Variants in GNA14 observed in about 807,000 individuals in gnomAD.
GNA14 encodes guanine nucleotide-binding protein subunit alpha-14.
In GNA14, 50 loss-of-function variants were observed where a neutral mutation model predicts 42.0. That is an observed-to-expected ratio of 1.19 (90% CI 0.95 to 1.51). The LOEUF is 1.51. GNA14 is among the 40% of genes most tolerant of loss of function. The pLI, the probability that GNA14 is intolerant of heterozygous loss-of-function variation, is 0.00. For missense variants in GNA14, 473 were observed against 446.2 expected, an observed-to-expected ratio of 1.06 and a Z score of -0.54; for synonymous variants, 173 against 163.1, an observed-to-expected ratio of 1.06 and a Z score of -0.46.
intron 5 of GNA14, among the ~76,000 whole-genome samples, chr9:77,427,067 C>T (rs1835463540): frequency 6.6e-6 from 1 of 152,134 alleles, no homozygotes; most frequent in Admixed American, 6.5e-5. Context: ...GAAAACTTCC[C>T]AGACAGTATA....
intron 2 of GNA14, among the ~76,000 whole-genome samples, chr9:77,440,396 G>A (rs1326332849): frequency 6.6e-6 from 1 of 152,216 alleles, no homozygotes; most frequent in Non-Finnish European, 1.5e-5. Flanking sequence ...CTCCCCACGG[G>A]GGTGCTTCCT....
chr9:77,588,971 G>A (rs997074270), intron 1 of GNA14, among the ~76,000 whole-genome samples: 1 of 152,182 alleles, frequency 6.6e-6, no homozygotes, highest in Non-Finnish European at 1.5e-5. Flanking sequence ...AAAGCCATGG[G>A]CCAGCACAGC....
chr9:77,608,758 A>C (rs1257850822), intron 1 of GNA14, among the ~76,000 whole-genome samples: 2 of 64,288 alleles, frequency 3.1e-5, no homozygotes, highest in African/African-American at 8.9e-5. Context: ...GCTTTTTAAT[A>C]ATTTTTTCTA....
In GNA14 at chr9:77,612,264, T is replaced by G. The variant is rs933225633; in HGVS notation, c.124+35406A>C. Among the ~76,000 whole-genome samples, 3 of 152,034 alleles carry G rather than the reference T, an allele frequency of 2.0e-5. No homozygotes were observed. In the East Asian group the frequency reaches 5.8e-4, roughly 29 times the overall value. On this transcript the variant is annotated intron_variant, in intron 1 of 6. Transcript: ENST00000341700. Reference sequence around the variant, plus strand: ...CTCTGACAAGAAAGAAAAAGTAAGATTACACCCACTCAAAGAACTAAAATC... The same window carrying G: ...CTCTGACAAGAAAGAAAAAGTAAGAGTACACCCACTCAAAGAACTAAAATC...
chr9:77,619,721 C>T (rs932732430), intron 1 of GNA14, among the ~76,000 whole-genome samples: 1 of 152,114 alleles, frequency 6.6e-6, no homozygotes, highest in African/African-American at 2.4e-5. Context: ...TGGTGTCTGG[C>T]CTATAGTCAG....
rs538004673 is a variant in GNA14, at chr9:77,501,511, A to T, written c.309+27558T>A. On this transcript the variant is annotated intron_variant, in intron 2 of 6. Transcript: ENST00000341700. ...CCATCTGTATATCTTCTTCACCGAA[A>T]TGCCTCTTCATGTCTTTTGGCCATT... Among the ~76,000 whole-genome samples, 10 of 152,258 alleles carry T rather than the reference A, an allele frequency of 6.6e-5. No homozygotes were observed. The South Asian group carries it at 2.1e-3, about 32-fold the overall frequency.
chr9:77,485,080 T>G (rs1836633707), intron 2 of GNA14, among the ~76,000 whole-genome samples: 1 of 152,212 alleles, frequency 6.6e-6, no homozygotes, highest in Non-Finnish European at 1.5e-5. Flanking sequence ...GATTGACTCT[T>G]CCTTTCATAA....
At chr9:77,453,750 C>T (rs900127423) in intron 2 of GNA14, among the ~76,000 whole-genome samples, 4 of 152,164 alleles carry the variant, frequency 2.6e-5, no homozygotes, top group African/African-American at 9.7e-5. Context: ...AAGCCTGCAG[C>T]CACCACAACA....
At position 77,431,397 on chromosome 9, in the gene GNA14, G is replaced by C; in HGVS notation, c.517C>G (p.Gln173Glu). 1 of 1,613,706 alleles carries C rather than the reference G, an allele frequency of 6.2e-7. No homozygotes were observed. Among genetic ancestry groups the C allele is most frequent in the Non-Finnish European group, 8.5e-7 (1 of 1,179,668 alleles). Residue 173 changes from glutamine (Q) to glutamate (E), a missense_variant, in exon 4 of 7, where the codon CAA becomes GAA. Physicochemically the swap from Gln to Glu is conservative, Grantham distance 29. Transcript: ENST00000341700. ...GGCACTCGGACGCGAAGCACATCTT[G>C]TTGGGTAGGCACGAATGATGGTGTG... Reference protein sequence around the residue: ...IATPSFVPTQQDVLRVRVPTT... With the variant: ...IATPSFVPTQEDVLRVRVPTT...
At chr9:77,467,588 C>A (rs1295367507) in intron 2 of GNA14, among the ~76,000 whole-genome samples, 1 of 150,856 alleles carries the variant, frequency 6.6e-6, no homozygotes, top group Non-Finnish European at 1.5e-5. Context: ...TGAACTTAGG[C>A]AAGAAATGCT....
chr9:77,508,544 G>T (rs1354851930), intron 2 of GNA14, among the ~76,000 whole-genome samples: 1 of 152,140 alleles, frequency 6.6e-6, no homozygotes, highest in Non-Finnish European at 1.5e-5. Flanking sequence ...AGCCACATGG[G>T]GCTAGTCACT....
At chr9:77,431,521 G>C (rs1360584337) in intron 3 of GNA14, 72 bp from the exon 4 acceptor site, 1 of 1,409,940 alleles carries the variant, frequency 7.1e-7, no homozygotes, top group South Asian at 1.3e-5. Context: ...CTCAAAGGAA[G>C]TCACCCCCCA....
intron 2 of GNA14, among the ~76,000 whole-genome samples, chr9:77,511,665 C>A (rs1003225392): frequency 6.6e-6 from 1 of 152,144 alleles, no homozygotes; most frequent in Admixed American, 6.5e-5. Flanking sequence ...GCCCTCACAG[C>A]CCTCACTCAC....
chr9:77,501,910 C>T (rs1836980901), intron 2 of GNA14, among the ~76,000 whole-genome samples: 2 of 151,928 alleles, frequency 1.3e-5, no homozygotes, highest in Non-Finnish European at 2.9e-5. Flanking sequence ...GGGGTTTCAC[C>T]ATGTTGGCCA....
At chr9:77,541,547 T>C (rs1380942322) in intron 1 of GNA14, among the ~76,000 whole-genome samples, 1 of 152,218 alleles carries the variant, frequency 6.6e-6, no homozygotes, top group Non-Finnish European at 1.5e-5. Flanking sequence ...TGTTTGAGCA[T>C]CTTTGAGCCC....
chr9:77,494,911 T>G (rs2131739047), intron 2 of GNA14, among the ~76,000 whole-genome samples: 1 of 152,306 alleles, frequency 6.6e-6, no homozygotes, highest in East Asian at 1.9e-4. Flanking sequence ...GTGATTCTCC[T>G]GCCTCAGCCT....
intron 2 of GNA14, among the ~76,000 whole-genome samples, chr9:77,471,989 C>G (rs1483573310): frequency 2.0e-5 from 3 of 152,146 alleles, no homozygotes; most frequent in African/African-American, 7.2e-5. Flanking sequence ...CCCATGGAAT[C>G]ACCACATTAA....
intron 2 of GNA14, among the ~76,000 whole-genome samples, chr9:77,519,250 A>G (rs1461490602): frequency 6.6e-6 from 1 of 152,072 alleles, no homozygotes; most frequent in Non-Finnish European, 1.5e-5. Flanking sequence ...ATCTCTACTA[A>G]AAATACAAAA....
intron 1 of GNA14, among the ~76,000 whole-genome samples, chr9:77,545,459 A>G (rs1489665143): frequency 6.6e-6 from 1 of 152,220 alleles, no homozygotes; most frequent in Non-Finnish European, 1.5e-5. Flanking sequence ...ATAGGTATAC[A>G]TTATTTTTTA....
Sources: allele counts gnomAD v4.1 joint callset (sites outside exome capture counted in the v4.1 genomes callset), GRCh38; gene constraint gnomAD v4.1.1; transcripts MANE v1.5; gene names NCBI Gene and HGNC (gene_info 2026-07-23, HGNC 2026-07-21).